PPIH: variants seen among roughly 807,000 people sequenced by gnomAD.
The protein encoded by PPIH is peptidylprolyl isomerase H.
A neutral mutation model predicts 27.6 loss-of-function variants in PPIH; 16 were observed. That is an observed-to-expected ratio of 0.58 (90% CI 0.39 to 0.88). The LOEUF is 0.88. Ranked by LOEUF, PPIH falls within the 40% of genes least tolerant of loss-of-function variation. The pLI, the probability that PPIH is intolerant of heterozygous loss-of-function variation, is 0.00. For missense variants in PPIH, 155 were observed against 224.1 expected (o/e 0.69, Z 1.97); for synonymous variants, 63 against 76.1 (o/e 0.83, Z 0.90).
intron 5 of PPIH, among the ~76,000 whole-genome samples, chr1:42,661,246 G>A (rs1277563889): frequency 1.3e-5 from 2 of 152,134 alleles, no homozygotes; most frequent in South Asian, 4.1e-4. Flanking sequence ...AATCAGCTGT[G>A]GTTTTTGTTT....
chr1:42,660,978 A>G (rs1648981074), intron 5 of PPIH, 74 bp downstream of exon 5: 2 of 1,335,868 alleles, frequency 1.5e-6, no homozygotes, highest in Middle Eastern at 1.8e-4. Flanking sequence ...TGCTGTTTTT[A>G]CTACAGAGAC....
In PPIH at chr1:42,658,437, G is replaced by C; in HGVS notation, c.-10G>C. 1 of 1,613,366 alleles carries C rather than the reference G, an allele frequency of 6.2e-7. No individual in the cohort carries two copies. The highest frequency in any genetic ancestry group is 8.5e-7 in the Non-Finnish European group (1 of 1,179,288). On this transcript the variant is annotated 5_prime_UTR_variant, in exon 1 of 10. Coordinates refer to ENST00000304979, the MANE Select transcript of PPIH (RefSeq NM_006347.4). ...CCCACGCTCCCGACTTCTGCTTCCG[G>C]GTCGGAGCCATGGCGGTGGCAAATT...
chr1:42,673,252 T>C (rs748343989), intron 9 of PPIH, among the ~76,000 whole-genome samples: 1 of 152,246 alleles, frequency 6.6e-6, no homozygotes, highest in Non-Finnish European at 1.5e-5. Flanking sequence ...CCCAAAGTGC[T>C]GGAATTACAG....
At chr1:42,670,078 G>A (rs946682612) in intron 9 of PPIH, among the ~76,000 whole-genome samples, 1 of 152,186 alleles carries the variant, frequency 6.6e-6, no homozygotes. Flanking sequence ...AGTAGAGAGG[G>A]AGAATGTCAG....
intron 5 of PPIH, among the ~76,000 whole-genome samples, chr1:42,663,752 A>G (rs550108059): frequency 6.6e-6 from 1 of 152,260 alleles, no homozygotes; most frequent in African/African-American, 2.4e-5. Context: ...TAGGCAAACA[A>G]AGGTTTGAAT....
intron 9 of PPIH, among the ~76,000 whole-genome samples, chr1:42,672,072 A>G (rs1374085446): frequency 1.3e-5 from 2 of 151,936 alleles, no homozygotes; most frequent in African/African-American, 4.8e-5. Context: ...TTTAGTAGAG[A>G]CAGGGTTTCA....
chr1:42,676,152 A>G (rs1161843838), intron 9 of PPIH, among the ~76,000 whole-genome samples: 1 of 152,110 alleles, frequency 6.6e-6, no homozygotes, highest in African/African-American at 2.4e-5. Context: ...CCCTTTTGGG[A>G]AAAGAGGATT....
At chr1:42,680,195 A>G (rs1156735921), downstream of PPIH, among the ~76,000 whole-genome samples, 1 of 152,198 alleles carries the variant, frequency 6.6e-6, no homozygotes, top group African/African-American at 2.4e-5. Flanking sequence ...TCCAAACGTA[A>G]CAGTGGCTAA....
intron 3 of PPIH, 48 bp from the exon 4 acceptor site, chr1:42,659,474 C>T (rs1464015717): frequency 2.5e-6 from 4 of 1,614,178 alleles, no homozygotes; most frequent in Non-Finnish European, 3.4e-6. Flanking sequence ...ACTGGAAAGG[C>T]CTTGTGCTAC....
intron 5 of PPIH, 63 bp downstream of exon 5, chr1:42,660,967 T>A: frequency 6.8e-7 from 1 of 1,467,662 alleles, no homozygotes. Flanking sequence ...ATTGTTGCAA[T>A]TGCTGTTTTT....
Position 42,658,478 on chromosome 1 carries a change from C to T in PPIH, c.32C>T (p.Pro11Leu). 2 of 1,614,196 alleles carry T rather than the reference C, an allele frequency of 1.2e-6. No individual in the cohort carries two copies. The highest frequency in any genetic ancestry group is 1.7e-6 in the Non-Finnish European group (2 of 1,180,016). ...GTGGCAAATTCAAGTCCTGTTAACC[C>T]CGTGGTGTTCTTTGATGTCAGTATT... MAVANSSPVN[P>L]VVFFDVSIGG... Residue 11 changes from proline to leucine, a missense_variant, in exon 1 of 10, where the codon CCC (proline) becomes CTC (leucine). Around this residue, in one of 2 missense-constraint regions of PPIH, gnomAD observed 59 missense variants for 48.8 expected, o/e 1.21. Coordinates refer to ENST00000304979, the MANE Select transcript of PPIH (RefSeq NM_006347.4).
rs1260136454 is a variant in PPIH, at chr1:42,676,610, TTGAG to T, written c.*50_*53del. The stretch of plus-strand genomic sequence containing the variant: ...CCTTCCCTTCTTCTTGGTGGTGTTC[TTGAG>T]TAAGATAATCTGGACTGGCCCCCGT... On this transcript the variant is annotated 3_prime_UTR_variant, in exon 10 of 10. Transcript: ENST00000304979. The T allele has an allele frequency of 6.6e-6, 1 of 152,034 alleles. No individual in the cohort carries two copies. Among genetic ancestry groups the T allele is most frequent in the Non-Finnish European group, 1.5e-5 (1 of 68,068 alleles). 9.4% of individuals were successfully genotyped at this position (152,034 alleles called of 1,614,324 possible).
At chr1:42,660,728 C>G in intron 4 of PPIH, 134 bp from the exon 5 acceptor site, 1 of 784,404 alleles carries the variant, frequency 1.3e-6, no homozygotes, top group Non-Finnish European at 1.9e-6. Context: ...CCGCACCCAG[C>G]TAAGAGTAAT....
chr1:42,679,672 C>T (rs917231582), downstream of PPIH, among the ~76,000 whole-genome samples: 12 of 152,220 alleles, frequency 7.9e-5, no homozygotes, highest in Non-Finnish European at 1.6e-4. Flanking sequence ...TTCACTTATT[C>T]GTAGAGGTGC....
chr1:42,678,317 C>A (rs894436156), downstream of PPIH, among the ~76,000 whole-genome samples: 1 of 152,136 alleles, frequency 6.6e-6, no homozygotes, highest in African/African-American at 2.4e-5. Context: ...GTGGCTCATG[C>A]TTGTGATAGG....
intron 9 of PPIH, among the ~76,000 whole-genome samples, chr1:42,670,993 A>G (rs1258503425): frequency 6.6e-6 from 1 of 152,076 alleles, no homozygotes; most frequent in Non-Finnish European, 1.5e-5. Context: ...ACGGGGTTTC[A>G]TCGTGTTAGC....
At chr1:42,660,469 G>A (rs916589564) in intron 4 of PPIH, among the ~76,000 whole-genome samples, 3 of 151,988 alleles carry the variant, frequency 2.0e-5, no homozygotes, top group Admixed American at 6.6e-5. Context: ...CCACTCTGTC[G>A]CCCAGGCTAA....
chr1:42,660,812 G>GT (rs762211133), intron 4 of PPIH, 50 bp from the exon 5 acceptor site: 2 of 1,433,158 alleles, frequency 1.4e-6, no homozygotes, highest in Non-Finnish European at 1.9e-6. Flanking sequence ...CAACATCTAT[G>GT]TTTTTCTAAA....
chr1:42,667,298 G>A (rs1230398236), intron 8 of PPIH, 53 bp from the exon 9 acceptor site: 1 of 1,499,766 alleles, frequency 6.7e-7, no homozygotes, highest in Non-Finnish European at 9.3e-7. Flanking sequence ...AGTTTGATAA[G>A]GGAACGAGGA....
Sources: allele counts gnomAD v4.1 joint callset (sites outside exome capture counted in the v4.1 genomes callset), GRCh38; gene constraint gnomAD v4.1.1; regional missense constraint gnomAD v4.1.1; transcripts MANE v1.5; gene names NCBI Gene and HGNC (gene_info 2026-07-23, HGNC 2026-07-21).